FRMPD2: variants seen among roughly 807,000 people sequenced by gnomAD.
FRMPD2 encodes FERM and PDZ domain containing 2, also known as FERM and PDZ domain-containing protein 2.
FRMPD2 carries 96 observed loss-of-function variants against 140.1 expected under a neutral mutation model. The ratio of observed to expected loss-of-function variants is 0.69; its 90% CI spans 0.58 to 0.81. The LOEUF (loss-of-function observed/expected upper bound fraction) is 0.81, where lower values mean the gene tolerates loss of function less well. Ranked by LOEUF, FRMPD2 falls within the 40% of genes least tolerant of loss-of-function variation. The pLI is 0.00. For missense variants in FRMPD2, 1,240 were observed against 1,447.4 expected (o/e 0.86, Z 2.32); for synonymous variants, 449 against 547.6 (o/e 0.82, Z 2.52).
chr10:48,176,504 G>C (rs1254217319), intron 22 of FRMPD2, among the ~76,000 whole-genome samples: 1 of 151,660 alleles, frequency 6.6e-6, no homozygotes, highest in Non-Finnish European at 1.5e-5. Context: ...AATTTAATTT[G>C]TATTCCTGTG....
intron 12 of FRMPD2, among the ~76,000 whole-genome samples, chr10:48,220,583 T>C (rs950681458): frequency 1.3e-5 from 2 of 151,930 alleles, no homozygotes; most frequent in Non-Finnish European, 2.9e-5. Flanking sequence ...CAAAGATAAA[T>C]AGATGGGTCT....
At chr10:48,271,857 G>A (rs558686164) in intron 1 of FRMPD2, among the ~76,000 whole-genome samples, 9 of 152,324 alleles carry the variant, frequency 5.9e-5, no homozygotes, top group South Asian at 4.1e-4. Context: ...CCACCTCACC[G>A]TGGGCAAGTT....
chr10:48,176,447 GC>G (rs1222084623), intron 22 of FRMPD2: 2 of 154,722 alleles, frequency 1.3e-5, no homozygotes, highest in African/African-American at 4.8e-5. Context: ...CATTCCACCA[GC>G]TATATTTGGC....
intron 12 of FRMPD2, among the ~76,000 whole-genome samples, chr10:48,219,265 T>C: frequency 6.6e-6 from 1 of 151,276 alleles, no homozygotes; most frequent in Non-Finnish European, 1.5e-5. Flanking sequence ...GAATTCCTCC[T>C]TCATGCAGTC....
chr10:48,266,137 T>C (rs566780094), intron 1 of FRMPD2, among the ~76,000 whole-genome samples: 16 of 152,312 alleles, frequency 1.1e-4, no homozygotes, highest in African/African-American at 3.9e-4. Flanking sequence ...ATACTGCATG[T>C]TCTCACTTAT....
chr10:48,198,016 T>C (rs1348492231), intron 15 of FRMPD2, among the ~76,000 whole-genome samples: 1 of 152,218 alleles, frequency 6.6e-6, no homozygotes, highest in Non-Finnish European at 1.5e-5. Flanking sequence ...GTGTAAGTAC[T>C]TAGCATAACA....
chr10:48,202,843 C>CA (rs1286956423), intron 14 of FRMPD2, among the ~76,000 whole-genome samples: 2 of 152,104 alleles, frequency 1.3e-5, no homozygotes, highest in African/African-American at 4.8e-5. Context: ...CTCTGTCACC[C>CA]AGGCTGGAGT....
intron 25 of FRMPD2, among the ~76,000 whole-genome samples, chr10:48,172,506 T>G (rs1245588198): frequency 3.3e-5 from 5 of 152,190 alleles, no homozygotes; most frequent in Admixed American, 1.3e-4. Flanking sequence ...GTTTGCCTTT[T>G]AAAATGATGC....
At chr10:48,186,835 A>G (rs1025440515) in intron 17 of FRMPD2, among the ~76,000 whole-genome samples, 2 of 151,898 alleles carry the variant, frequency 1.3e-5, no homozygotes, top group Non-Finnish European at 2.9e-5. Context: ...ACTGCCATCT[A>G]CTCTGTGTAT....
rs563905000 is a variant in FRMPD2 at position 48,262,705 on chromosome 10, A to G, written c.26-11014T>C. On this transcript the variant is annotated intron_variant, in intron 1 of 28. Transcript: ENST00000374201. ...CAGAATGCATATTCTTTGCAGTTTC[A>G]CATGGAACACTCACCAAGATATATC... 1.4e-4 allele frequency among the ~76,000 whole-genome samples: 22 copies of G among 152,290 alleles called. No homozygotes were observed. In the East Asian group the frequency reaches 3.5e-3, roughly 24 times the overall value.
chr10:48,226,921 G>A (rs1839734781), intron 10 of FRMPD2, among the ~76,000 whole-genome samples: 1 of 152,144 alleles, frequency 6.6e-6, no homozygotes, highest in African/African-American at 2.4e-5. Context: ...GGAAGTAGAA[G>A]TTTTCCTTCC....
chr10:48,217,980 G>A (rs540025582), intron 12 of FRMPD2, among the ~76,000 whole-genome samples: 1 of 152,304 alleles, frequency 6.6e-6, no homozygotes, highest in East Asian at 1.9e-4. Context: ...AACAATAGAA[G>A]TTCATTTTCT....
In FRMPD2 at chr10:48,201,389, A is replaced by G. The variant is rs753322645; in HGVS notation, c.1798-5T>C. The G allele has an allele frequency of 1.9e-6, 3 of 1,613,150 alleles. No individual in the cohort carries two copies. The highest frequency in any genetic ancestry group is 2.2e-5 in the South Asian group (2 of 90,958). On this transcript the variant is annotated splice_region_variant and splice_polypyrimidine_tract_variant and intron_variant, in intron 14 of 28. Coordinates refer to ENST00000374201, the MANE Select transcript of FRMPD2 (RefSeq NM_001018071.4). ...TGTGATGGTGAACTTTTTTTGCTGA[A>G]GGAAGCAAACACAGACTTTAATACA...
chr10:48,168,743 A>G (rs1294712181), intron 26 of FRMPD2, 50 bp from the exon 27 acceptor site: 1 of 633,928 alleles, frequency 1.6e-6, no homozygotes, highest in East Asian at 3.2e-5. Flanking sequence ...ATTGCTGGGG[A>G]TGCAGTGATG....
chr10:48,240,321 C>T, intron 6 of FRMPD2, 39 bp downstream of exon 6: 1 of 1,596,442 alleles, frequency 6.3e-7, no homozygotes, highest in Non-Finnish European at 8.5e-7. Flanking sequence ...GAATGGGTAC[C>T]ATCAGCCCAC....
At chr10:48,245,907 C>T (rs1588852402) in intron 3 of FRMPD2, among the ~76,000 whole-genome samples, 1 of 152,248 alleles carries the variant, frequency 6.6e-6, no homozygotes, top group East Asian at 1.9e-4. Flanking sequence ...TTTGAGCCCC[C>T]CACTTGGTTT....
At chr10:48,227,490 T>G (rs1839750167) in intron 10 of FRMPD2, among the ~76,000 whole-genome samples, 1 of 152,222 alleles carries the variant, frequency 6.6e-6, no homozygotes, top group African/African-American at 2.4e-5. Flanking sequence ...TGTTTCAACC[T>G]CCACTACCTT....
intron 14 of FRMPD2, among the ~76,000 whole-genome samples, chr10:48,203,448 C>T (rs1015586562): frequency 1.3e-5 from 2 of 152,146 alleles, no homozygotes; most frequent in African/African-American, 4.8e-5. Flanking sequence ...GCATGAAATC[C>T]TTTCTTTACA....
intron 10 of FRMPD2, among the ~76,000 whole-genome samples, chr10:48,230,018 A>G (rs1839813348): frequency 6.6e-6 from 1 of 152,198 alleles, no homozygotes; most frequent in Non-Finnish European, 1.5e-5. Context: ...CAAGCAGAAC[A>G]AGAATTAATT....
Sources: allele counts gnomAD v4.1 joint callset (sites outside exome capture counted in the v4.1 genomes callset), GRCh38; gene constraint gnomAD v4.1.1; transcripts MANE v1.5; gene names NCBI Gene and HGNC (gene_info 2026-07-23, HGNC 2026-07-21).